Variants in SMC6 observed in about 807,000 individuals in gnomAD.
SMC6 encodes structural maintenance of chromosomes 6.
SMC6 carries 79 observed loss-of-function variants against 142.2 expected under a neutral mutation model. The ratio of observed to expected loss-of-function variants is 0.56; its 90% CI spans 0.46 to 0.67. The LOEUF (loss-of-function observed/expected upper bound fraction) is 0.67, where lower values mean the gene tolerates loss of function less well. Among genes scored for constraint, SMC6 ranks in the 30% least tolerant of loss-of-function variants. SMC6 has a pLI of 0.00. For missense variants in SMC6, 1,072 were observed against 1,284.0 expected, an observed-to-expected ratio of 0.83 and a Z score of 2.52; for synonymous variants, 411 against 412.4, an observed-to-expected ratio of 1.00 and a Z score of 0.04.
At chr2:17,676,583 G>C (rs530553084) in intron 25 of SMC6, among the ~76,000 whole-genome samples, 1 of 152,040 alleles carries the variant, frequency 6.6e-6, no homozygotes, top group African/African-American at 2.4e-5. Context: ...CTACAAAAAC[G>C]TCTGCTGGCA....
chr2:17,670,322 T>C lies in SMC6; in HGVS notation c.3063+101A>G, dbSNP rs1666696227. 39 of 1,235,634 alleles carry C rather than the reference T, an allele frequency of 3.2e-5. No individual in the cohort carries two copies. The South Asian group carries it at 5.8e-4, about 18-fold the overall frequency. 76.5% of individuals were successfully genotyped at this position (1,235,634 alleles called of 1,614,324 possible). A position where few individuals can be genotyped will look rare whatever the true frequency, so the allele number is the denominator to read the frequency against. ...AGACTAAAGAGTCAGGGCAGGATCTTTCCTGTTAGGGGTAAAACTAAAGAA... is the reference window on the plus strand; with the variant it reads ...AGACTAAAGAGTCAGGGCAGGATCTCTCCTGTTAGGGGTAAAACTAAAGAA... On this transcript the variant is annotated intron_variant, in intron 26 of 27. Coordinates refer to ENST00000448223, the MANE Select transcript of SMC6 (RefSeq NM_001142286.2).
Position 17,731,104 on chromosome 2 carries a change from C to T in SMC6, c.517G>A (p.Ala173Thr), listed in dbSNP as rs1669893951. The part of the protein sequence containing the change: ...VVSTRKEELI[A>T]ILDHFNIQVD... ...TGGATGTTAAAATGATCAAGAATTGCAATCAGCTCTTCTTTCCTCGTGGAA... is the reference window on the plus strand; with the variant it reads ...TGGATGTTAAAATGATCAAGAATTGTAATCAGCTCTTCTTTCCTCGTGGAA... Residue 173 changes from alanine (A) to threonine (T), a missense_variant, in exon 7 of 28, where the codon GCA (alanine) becomes ACA (threonine). By Grantham distance (58) the Ala-to-Thr change is moderately conservative (BLOSUM62 0). Around this residue, in one of 3 missense-constraint regions of SMC6, gnomAD observed 994 missense variants for 1,153.2 expected, o/e 0.86. Transcript: ENST00000448223. 1.9e-6 allele frequency: 3 copies of T among 1,612,600 alleles called. No individual in the cohort carries two copies. The highest frequency in any genetic ancestry group is 1.7e-6 in the Non-Finnish European group (2 of 1,179,330).
intron 25 of SMC6, among the ~76,000 whole-genome samples, chr2:17,678,225 C>A (rs1279515364): frequency 6.6e-6 from 1 of 151,856 alleles, no homozygotes; most frequent in Non-Finnish European, 1.5e-5. Flanking sequence ...TCCATAAAGT[C>A]CCAAATAATT....
intron 6 of SMC6, 111 bp downstream of exon 6, chr2:17,731,630 A>G: frequency 1.8e-6 from 2 of 1,089,706 alleles, no homozygotes; most frequent in Non-Finnish European, 2.7e-6. Context: ...ATATATGCAC[A>G]CAACCAATCA....
chr2:17,715,582 A>G (rs1344764279), intron 15 of SMC6, among the ~76,000 whole-genome samples: 3 of 152,208 alleles, frequency 2.0e-5, no homozygotes, highest in Admixed American at 1.3e-4. Context: ...AATGATTTTC[A>G]GAATTAAAGA....
At chr2:17,694,584 T>C (rs1345921106) in intron 23 of SMC6, among the ~76,000 whole-genome samples, 1 of 152,236 alleles carries the variant, frequency 6.6e-6, no homozygotes, top group Non-Finnish European at 1.5e-5. Context: ...TTATGGATCA[T>C]TTCATTTAAT....
chr2:17,690,189 C>T (rs1044478068), intron 23 of SMC6, among the ~76,000 whole-genome samples: 2 of 152,148 alleles, frequency 1.3e-5, no homozygotes, highest in African/African-American at 4.8e-5. Flanking sequence ...TGATTTTGCA[C>T]AGAAAAATAA....
chr2:17,703,080 T>C, intron 19 of SMC6, 77 bp downstream of exon 19: 1 of 945,416 alleles, frequency 1.1e-6, no homozygotes, highest in Admixed American at 3.2e-5. Context: ...TTGGAGTCAA[T>C]AATGGGATCT....
intron 23 of SMC6, among the ~76,000 whole-genome samples, chr2:17,684,037 T>G (rs1184930465): frequency 1.3e-5 from 2 of 152,162 alleles, no homozygotes; most frequent in Non-Finnish European, 2.9e-5. Context: ...TGGTACGGCC[T>G]AGAGGTGGCA....
chr2:17,710,944 A>G (rs983633444), intron 16 of SMC6, among the ~76,000 whole-genome samples: 1 of 152,174 alleles, frequency 6.6e-6, no homozygotes, highest in Non-Finnish European at 1.5e-5. Context: ...GAAAAAAAAC[A>G]AGGATAAGAA....
intron 23 of SMC6, among the ~76,000 whole-genome samples, chr2:17,689,093 C>A (rs529525427): frequency 2.0e-5 from 3 of 151,946 alleles, no homozygotes; most frequent in Admixed American, 1.3e-4. Flanking sequence ...AATGGAAAAA[C>A]CAATTAACAC....
intron 2 of SMC6, among the ~76,000 whole-genome samples, chr2:17,748,459 C>T (rs1251389900): frequency 2.6e-5 from 4 of 152,120 alleles, no homozygotes; most frequent in East Asian, 1.9e-4. Context: ...TAAACAAATG[C>T]CTTTTAAGAC....
At chr2:17,748,827 A>T (rs571404366) in intron 2 of SMC6, among the ~76,000 whole-genome samples, 1 of 152,354 alleles carries the variant, frequency 6.6e-6, no homozygotes, top group Non-Finnish European at 1.5e-5. Flanking sequence ...GTTAGCAAGC[A>T]CTCAGACATA....
intron 3 of SMC6, 50 bp downstream of exon 3, chr2:17,745,777 G>C: frequency 6.5e-7 from 1 of 1,536,042 alleles, no homozygotes; most frequent in Non-Finnish European, 8.8e-7. Flanking sequence ...TATGATGAAT[G>C]TTACAAGAAA....
chr2:17,729,795 G>A (rs965016576), intron 7 of SMC6, among the ~76,000 whole-genome samples: 1 of 152,040 alleles, frequency 6.6e-6, no homozygotes, highest in African/African-American at 2.4e-5. Flanking sequence ...TGCTACGTGT[G>A]GCTTTTTCTA....
chr2:17,753,358 G>GGAGGGGACGGCCGCCTGA, intron 1 of SMC6, among the ~76,000 whole-genome samples: 1 of 152,172 alleles, frequency 6.6e-6, no homozygotes, highest in African/African-American at 2.4e-5. Context: ...CGGCCGCCTG[G>GGAGGGGACGGCCGCCTGA]GAGGGGACGG....
intron 5 of SMC6, among the ~76,000 whole-genome samples, chr2:17,737,655 T>C (rs187455769): frequency 2.0e-3 from 297 of 152,304 alleles, no homozygotes; most frequent in Admixed American, 0.018. Context: ...GATATGACTA[T>C]TCACCAAGGG....
At chr2:17,694,708 T>C (rs1006262970) in intron 23 of SMC6, among the ~76,000 whole-genome samples, 3 of 142,084 alleles carry the variant, frequency 2.1e-5, no homozygotes, top group African/African-American at 8.2e-5. Context: ...AGATACTCTT[T>C]CTTCAGAACC....
At chr2:17,695,121 T>C (rs373675573) in intron 23 of SMC6, 31 bp downstream of exon 23, 3 of 1,608,010 alleles carry the variant, frequency 1.9e-6, no homozygotes, top group African/African-American at 2.7e-5. Context: ...ATGAATAATG[T>C]GGTAAAGCAG....
Sources: allele counts gnomAD v4.1 joint callset (sites outside exome capture counted in the v4.1 genomes callset), GRCh38; gene constraint gnomAD v4.1.1; regional missense constraint gnomAD v4.1.1; transcripts MANE v1.5; gene names NCBI Gene and HGNC (gene_info 2026-07-23, HGNC 2026-07-21).